Variants in PRSS33 observed in about 807,000 individuals in gnomAD.
PRSS33 encodes the protein protease, serine 33.
A neutral mutation model predicts 26.7 loss-of-function variants in PRSS33; 32 were observed. That is an observed-to-expected ratio of 1.20 (90% CI 0.90 to 1.61). The LOEUF (loss-of-function observed/expected upper bound fraction) is 1.61. Ranked by LOEUF, PRSS33 falls within the 40% of genes most tolerant of loss-of-function variation. PRSS33 has a pLI of 0.00. For synonymous variants in PRSS33, 192 were observed against 177.6 expected (o/e 1.08, Z -0.64); for missense variants, 450 against 396.3 (o/e 1.14, Z -1.15).
In PRSS33 at chr16:2,785,626, T is replaced by C; in HGVS notation, c.263A>G (p.Tyr88Cys). The C allele has an allele frequency of 6.7e-7, 1 of 1,500,034 alleles. No individual in the cohort carries two copies. The highest frequency in any genetic ancestry group is 2.5e-5 in the East Asian group (1 of 39,742). The allele number at this position is 1,500,034 out of a possible 1,614,324, so 92.9% of individuals were successfully genotyped here. ...ACGCAGCGCCCCCAGGCGCACGCGG[T>C]ACTCAGCTGGCAGTGCCCTCCTGCA... ...CFPRRALPAEYRVRLGALRLG... is the reference protein window; with the variant it reads ...CFPRRALPAECRVRLGALRLG... The change falls in exon 5 of 7, where the codon TAC (tyrosine) becomes TGC (cysteine). Residue 88 changes from tyrosine to cysteine, a missense_variant. Coordinates refer to ENST00000682474, the MANE Select transcript of PRSS33 (RefSeq NM_152891.3).
chr16:2,785,333 G>T (rs2068860293), intron 5 of PRSS33, 42 bp downstream of exon 5: 11 of 1,455,566 alleles, frequency 7.6e-6, no homozygotes, highest in Non-Finnish European at 9.9e-6. Flanking sequence ...AGGAGGACGT[G>T]GGGGCTCCCG....
At position 2,786,133 on chromosome 16, in the gene PRSS33, A is replaced by C. The variant is rs967934985; in HGVS notation, c.47-12T>G. 20 of 1,611,746 alleles carry C rather than the reference A, an allele frequency of 1.2e-5. No individual in the cohort carries two copies. The highest frequency in any genetic ancestry group is 1.7e-5 in the Non-Finnish European group (20 of 1,178,300). ...AGTCCCAGCAGCTCCTGGAGGAGGA[A>C]GCAGGGAAGGGACCAGATTATAGAT... On this transcript the variant is annotated splice_polypyrimidine_tract_variant and intron_variant, in intron 2 of 6. Coordinates refer to ENST00000682474, the MANE Select transcript of PRSS33 (RefSeq NM_152891.3).
chr16:2,786,146 C>T (rs1175672371), intron 2 of PRSS33, 25 bp from the exon 3 acceptor site: 3 of 1,605,470 alleles, frequency 1.9e-6, no homozygotes, highest in Middle Eastern at 1.7e-4. Context: ...AGGGAAGGGA[C>T]CAGATTATAG....
rs756215566 is a variant in PRSS33, at chr16:2,784,682, T to G, written c.805A>C (p.Thr269Pro). ...NRPGVYTSVA[T>P]YSPWIQARVS... ...CGAGCCTGAATCCAGGGGCTATATG[T>G]GGCCACACTGGTGTAGACCCCTGGA... Residue 269 changes from threonine (T) to proline (P), a missense_variant, in exon 7 of 7, where the codon ACA becomes CCA. Coordinates refer to ENST00000682474, the MANE Select transcript of PRSS33 (RefSeq NM_152891.3). 3.6e-5 allele frequency: 57 copies of G among 1,605,160 alleles called. No individual in the cohort carries two copies. The highest frequency in any genetic ancestry group is 4.7e-5 in the Non-Finnish European group (55 of 1,176,034).
intron 1 of PRSS33, among the ~76,000 whole-genome samples, chr16:2,787,000 C>T (rs1596306355): frequency 1.2e-5 from 1 of 81,412 alleles, no homozygotes; most frequent in East Asian, 4.0e-4. Context: ...TCATCCCTCT[C>T]TCATCCTCAC....
chr16:2,784,964 G>A, intron 6 of PRSS33, 38 bp downstream of exon 6: 11 of 1,587,418 alleles, frequency 6.9e-6, no homozygotes, highest in Non-Finnish European at 7.7e-6. Context: ...CTGGGCACAG[G>A]GAGGGGACTC....
chr16:2,786,692 G>C, intron 1 of PRSS33, 88 bp from the exon 2 acceptor site: 1 of 865,966 alleles, frequency 1.2e-6, no homozygotes, highest in East Asian at 2.7e-5. Flanking sequence ...TGGTCCTTCT[G>C]TCTGTCCTCA....
At position 2,785,412 on chromosome 16, in the gene PRSS33, T is replaced by C. The variant is rs1314429389; in HGVS notation, c.477A>G (p.Pro159=). Residue 159 remains proline, a synonymous_variant, in exon 5 of 7, where the codon CCA becomes CCG. Transcript: ENST00000682474. ...VPGARPPPGT[P]CRVTGWGSLR... ...GGCTGCCCCAGCCGGTGACCCGGCA[T>C]GGTGTGCCGGGCGGCGGGCGGGCGC... is the stretch of plus-strand genomic sequence containing the variant. 6.9e-6 allele frequency: 10 copies of C among 1,448,040 alleles called. No individual in the cohort carries two copies. In the South Asian group the frequency reaches 1.1e-4, roughly 16 times the overall value. The allele number at this position is 1,448,040 out of a possible 1,614,324, so 89.7% of individuals were successfully genotyped here. A position where few individuals can be genotyped will look rare whatever the true frequency, so the allele number is the denominator to read the frequency against.
chr16:2,786,079 G>T lies in PRSS33; in HGVS notation c.79+10C>A. The T allele has an allele frequency of 6.2e-7, 1 of 1,613,302 alleles. No individual in the cohort carries two copies. The highest frequency in any genetic ancestry group is 2.2e-5 in the East Asian group (1 of 44,876). On this transcript the variant is annotated intron_variant, in intron 3 of 6. Transcript: ENST00000682474. ...GGGGCTGACTCGGGTGGACTCCGAG[G>T]CTTCCTCACCTGCAGACTTCCTTCC...
At chr16:2,785,330 C>T (rs753094874) in intron 5 of PRSS33, 45 bp downstream of exon 5, 14 of 1,456,996 alleles carry the variant, frequency 9.6e-6, no homozygotes, top group Non-Finnish European at 1.3e-5. Flanking sequence ...TGGAGGAGGA[C>T]GTGGGGGCTC....
In PRSS33 at chr16:2,785,553, C is replaced by A. The variant is rs948790980; in HGVS notation, c.336G>T (p.Val112=). ...CCTCGGAGTAGTCCGGGGGCAGCAGCACCCGTCGCACGGGCACCGAGAGCG... is the reference window on the plus strand; with the variant it reads ...CCTCGGAGTAGTCCGGGGGCAGCAGAACCCGTCGCACGGGCACCGAGAGCG... ...PRTLSVPVRR[V]LLPPDYSEDG... is the part of the protein sequence containing the mutation. The change falls in exon 5 of 7, where the codon GTG becomes GTT. Residue 112 remains valine, a synonymous_variant. Transcript: ENST00000682474. 3.9e-5 allele frequency: 59 copies of A among 1,528,106 alleles called. No individual in the cohort carries two copies. In the African/African-American group the frequency reaches 7.3e-4, roughly 19 times the overall value. The allele number at this position is 1,528,106 out of a possible 1,614,324, so 94.7% of individuals were successfully genotyped here.
chr16:2,786,671 C>A, intron 1 of PRSS33, 67 bp from the exon 2 acceptor site: 1 of 1,081,240 alleles, frequency 9.2e-7, no homozygotes, highest in Non-Finnish European at 1.4e-6. Context: ...ACCAGCCCGT[C>A]ACCCCCTCCG....
rs2068864397 is a variant in PRSS33 at position 2,785,595 on chromosome 16, GCCCAGACGCAGCGCC to G, written c.279_293del (p.Ala94_Gly98del). 4.0e-6 allele frequency: 6 copies of G among 1,518,266 alleles called. No homozygotes were observed. The highest frequency in any genetic ancestry group is 5.3e-6 in the Non-Finnish European group (6 of 1,140,248). The allele number at this position is 1,518,266 out of a possible 1,614,324, so 94.0% of individuals were successfully genotyped here. A position where few individuals can be genotyped will look rare whatever the true frequency, so the allele number is the denominator to read the frequency against. On this transcript the variant is annotated inframe_deletion, in exon 5 of 7. Coordinates refer to ENST00000682474, the MANE Select transcript of PRSS33 (RefSeq NM_152891.3). ...CCGAGAGCGTGCGGGGCGAGGTGGAGCCCAGACGCAGCGCCCCCAGGCGCACGCGGTACTCAGCTG... is the reference window on the plus strand; with the variant it reads ...CCGAGAGCGTGCGGGGCGAGGTGGAGCCCAGGCGCACGCGGTACTCAGCTG...
At position 2,785,361 on chromosome 16, in the gene PRSS33, CCCTCCTGCCTTA is replaced by C; in HGVS notation, c.514+2_514+13del. 1 of 1,442,436 alleles carries C rather than the reference CCCTCCTGCCTTA, an allele frequency of 6.9e-7. No homozygotes were observed. The highest frequency in any genetic ancestry group is 9.0e-7 in the Non-Finnish European group (1 of 1,106,116). 89.4% of individuals were successfully genotyped at this position (1,442,436 alleles called of 1,614,324 possible). A position where few individuals can be genotyped will look rare whatever the true frequency, so the allele number is the denominator to read the frequency against. ...GGCTCCCGGATGCCTCGGAGCCCCG[CCCTCCTGCCTTA>C]CCTCCTGGGCGGAGGCTGCCCCAGC... On this transcript the variant is annotated splice_donor_variant and splice_donor_5th_base_variant and intron_variant, in intron 5 of 6. Coordinates refer to ENST00000682474, the MANE Select transcript of PRSS33 (RefSeq NM_152891.3). LOFTEE classifies it high-confidence loss of function.
chr16:2,785,595 G>C lies in PRSS33; in HGVS notation c.294C>G (p.Gly98=). The C allele has an allele frequency of 6.6e-7, 1 of 1,518,384 alleles. No individual in the cohort carries two copies. The highest frequency in any genetic ancestry group is 1.2e-5 in the South Asian group (1 of 82,350). 94.1% of individuals were successfully genotyped at this position (1,518,384 alleles called of 1,614,324 possible). ...YRVRLGALRL[G]STSPRTLSVP... is the part of the protein sequence containing the mutation. ...CCGAGAGCGTGCGGGGCGAGGTGGAGCCCAGACGCAGCGCCCCCAGGCGCA... is the reference window on the plus strand; with the variant it reads ...CCGAGAGCGTGCGGGGCGAGGTGGACCCCAGACGCAGCGCCCCCAGGCGCA... The change falls in exon 5 of 7, where the codon GGC becomes GGG. Residue 98 remains glycine, a synonymous_variant. Coordinates refer to ENST00000682474, the MANE Select transcript of PRSS33 (RefSeq NM_152891.3).
At position 2,786,595 on chromosome 16, in the gene PRSS33, G is replaced by A. The variant is rs1230389281; in HGVS notation, c.-48C>T. 7 of 1,608,154 alleles carry A rather than the reference G, an allele frequency of 4.4e-6. No homozygotes were observed. Among genetic ancestry groups the A allele is most frequent in the South Asian group, 1.1e-5 (1 of 90,718 alleles). Reference sequence around the variant, plus strand: ...GTAAGGGTGGCACTGCCTAGGGCTTGGACTCTGGTCTGGAGCCAGCAGGGA... The same window carrying A: ...GTAAGGGTGGCACTGCCTAGGGCTTAGACTCTGGTCTGGAGCCAGCAGGGA... On this transcript the variant is annotated 5_prime_UTR_variant, in exon 2 of 7. Transcript: ENST00000682474.
At position 2,787,520 on chromosome 16, in the gene PRSS33, G is replaced by C. The variant is rs77705404; in HGVS notation, c.-58+13C>G. On this transcript the variant is annotated intron_variant, in intron 1 of 6. Transcript: ENST00000682474. Reference sequence around the variant, plus strand: ...TGCCCCTGCAGCCCCCACAGCCCCTGGCTTGCTCTCACCCTCACAGCCTGG... The same window carrying C: ...TGCCCCTGCAGCCCCCACAGCCCCTCGCTTGCTCTCACCCTCACAGCCTGG... Among the ~76,000 whole-genome samples the C allele has an allele frequency of 0.04, 5,672 of 141,494 alleles. 411 individuals are homozygous for C. Among genetic ancestry groups the C allele is most frequent in the African/African-American group, 0.15 (5,361 of 36,224 alleles). 92.8% of individuals were successfully genotyped at this position (141,494 alleles called of 152,430 possible). A position where few individuals can be genotyped will look rare whatever the true frequency, so the allele number is the denominator to read the frequency against.
intron 2 of PRSS33, 145 bp downstream of exon 2, chr16:2,786,352 AAGGTC>A: frequency 5.1e-6 from 5 of 984,518 alleles, no homozygotes; most frequent in Non-Finnish European, 7.7e-6. Flanking sequence ...TGGTGAGGTC[AAGGTC>A]AGTGGCAGAG....
chr16:2,785,320 T>G (rs187976130), intron 5 of PRSS33, 55 bp downstream of exon 5: 1 of 1,461,372 alleles, frequency 6.8e-7, no homozygotes, highest in Non-Finnish European at 9.0e-7. Flanking sequence ...TCCAGTCAGA[T>G]GGAGGAGGAC....
Sources: gnomAD v4.1 joint callset for allele counts (sites outside exome capture counted in the v4.1 genomes callset) on GRCh38, gnomAD v4.1.1 for gene constraint, MANE v1.5 for transcripts, NCBI Gene and HGNC (gene_info 2026-07-23, HGNC 2026-07-21) for gene names.